ANKRD24: variants seen among roughly 807,000 people sequenced by gnomAD.
The protein encoded by ANKRD24 is ankyrin repeat domain-containing protein 24.
ANKRD24 carries 109 observed loss-of-function variants against 127.8 expected under a neutral mutation model. The ratio of observed to expected loss-of-function variants is 0.85; its 90% CI spans 0.73 to 1.00. The LOEUF (loss-of-function observed/expected upper bound fraction) is 1.00, where lower values mean the gene tolerates loss of function less well. ANKRD24 is among the 50% of genes least tolerant of loss of function. ANKRD24 has a pLI of 0.00. For missense variants in ANKRD24, 1,648 were observed against 1,570.2 expected (o/e 1.05, Z -0.84); for synonymous variants, 743 against 671.1 (o/e 1.11, Z -1.66).
At chr19:4,192,354 T>G (rs990585452) in intron 2 of ANKRD24, among the ~76,000 whole-genome samples, 5 of 151,466 alleles carry the variant, frequency 3.3e-5, no homozygotes, top group Admixed American at 6.6e-5. Flanking sequence ...TTTCTTTTTA[T>G]ATTTTTATTT....
Position 4,198,459 on chromosome 19 carries a change from C to G in ANKRD24, c.37-1224C>G, listed in dbSNP as rs764057979. 25 of 615,446 alleles carry G rather than the reference C, an allele frequency of 4.1e-5. 1 individual carries two copies. The South Asian group carries it at 4.3e-4, about 11-fold the overall frequency. 38.1% of individuals were successfully genotyped at this position (615,446 alleles called of 1,614,324 possible). ...TCTGGCCGCCGCCTCCTCTTGGAACCCCGTGCGCCCCCCGCGCCCCGCGCC... is the reference window on the plus strand; with the variant it reads ...TCTGGCCGCCGCCTCCTCTTGGAACGCCGTGCGCCCCCCGCGCCCCGCGCC... On this transcript the variant is annotated intron_variant, in intron 2 of 21. Transcript: ENST00000318934. The surrounding 1 kb of genome is among the most constrained non-coding windows in gnomAD (Gnocchi z 6.1).
At chr19:4,218,658 TTC>T (rs1282276335) in intron 18 of ANKRD24, among the ~76,000 whole-genome samples, 1 of 150,120 alleles carries the variant, frequency 6.7e-6, no homozygotes, top group African/African-American at 2.4e-5. Flanking sequence ...CACTTGTGTT[TTC>T]TCTCTTTCTT....
At chr19:4,189,573 A>T (rs1255944384) in intron 2 of ANKRD24, among the ~76,000 whole-genome samples, 2 of 149,484 alleles carry the variant, frequency 1.3e-5, no homozygotes, top group Non-Finnish European at 3.0e-5. Context: ...TTTTTAAGAG[A>T]TGGGGTCTCA....
At position 4,216,764 on chromosome 19, in the gene ANKRD24, C is replaced by T. The variant is rs377188730; in HGVS notation, c.1604C>T (p.Thr535Met). 9.4e-5 allele frequency: 150 copies of T among 1,587,848 alleles called. 6 individuals are homozygous for T. The highest frequency in any genetic ancestry group is 5.2e-4 in the African/African-American group (39 of 74,308). ...ACGESEVAGA[T>M]ATKNGPTHME... ...GGGGAGAGTGAGGTTGCTGGAGCCA[C>T]GGCCACCAAAAACGGGCCAACCCAC... Residue 535 changes from threonine to methionine, a missense_variant, in exon 18 of 22, where the codon ACG (threonine) becomes ATG (methionine). By Grantham distance (81) the Thr-to-Met change is moderately conservative (BLOSUM62 -1). Coordinates refer to ENST00000318934, the MANE Select transcript of ANKRD24 (RefSeq NM_001393985.1).
Position 4,216,407 on chromosome 19 carries a change from G to A in ANKRD24, c.1389+5G>A. 1 of 1,562,766 alleles carries A rather than the reference G, an allele frequency of 6.4e-7. No homozygotes were observed. Among genetic ancestry groups the A allele is most frequent in the Non-Finnish European group, 8.7e-7 (1 of 1,153,528 alleles). ...GAACTGATGGAGAAGGTCCAGGTAG[G>A]GAAAGTGAGGCTGGGGACAGATCTG... On this transcript the variant is annotated splice_donor_5th_base_variant and intron_variant, in intron 17 of 21. Transcript: ENST00000318934.
intron 2 of ANKRD24, among the ~76,000 whole-genome samples, chr19:4,196,882 G>A (rs1891063317): frequency 6.6e-6 from 1 of 152,188 alleles, no homozygotes; most frequent in South Asian, 2.1e-4. Context: ...GTGACAGAAA[G>A]GAACCCAAGG....
At chr19:4,209,997 G>T (rs976580809) in intron 11 of ANKRD24, 61 bp from the exon 12 acceptor site, 10 of 1,023,508 alleles carry the variant, frequency 9.8e-6, no homozygotes, top group Admixed American at 2.1e-5. Flanking sequence ...GGTTTACTGT[G>T]GGGGAGGCTG....
chr19:4,218,283 T>A lies in ANKRD24; in HGVS notation c.3003+120T>A, dbSNP rs1970242935. The A allele has an allele frequency of 6.1e-6, 4 of 658,840 alleles. No individual in the cohort carries two copies. In the Admixed American group the frequency reaches 1.3e-4, roughly 22 times the overall value. The allele number at this position is 658,840 out of a possible 1,614,324, so 40.8% of individuals were successfully genotyped here. A position where few individuals can be genotyped will look rare whatever the true frequency, so the allele number is the denominator to read the frequency against. On this transcript the variant is annotated intron_variant, in intron 18 of 21. Transcript: ENST00000318934. ...GTTTTACTTGAACAGACCTACTTTA[T>A]TTTATTTATTTATTTATTTATTTAT...
intron 12 of ANKRD24, 33 bp from the exon 13 acceptor site, chr19:4,210,232 C>T: frequency 6.4e-7 from 1 of 1,563,128 alleles, no homozygotes; most frequent in Non-Finnish European, 8.7e-7. Flanking sequence ...AACCTTAGGC[C>T]CCATCTAAAG....
At chr19:4,202,276 T>C (rs1348082058) in intron 6 of ANKRD24, among the ~76,000 whole-genome samples, 186 bp downstream of exon 6, 1 of 151,960 alleles carries the variant, frequency 6.6e-6, no homozygotes, top group Non-Finnish European at 1.5e-5. Flanking sequence ...CTATTTAAGA[T>C]GTACTCCCAA....
At chr19:4,206,564 C>T (rs1263366632) in intron 7 of ANKRD24, among the ~76,000 whole-genome samples, 1 of 152,036 alleles carries the variant, frequency 6.6e-6, no homozygotes, top group African/African-American at 2.4e-5. Flanking sequence ...GAGGCCGAGG[C>T]AGGAGGATCA....
Position 4,198,254 on chromosome 19 carries a change from C to T in ANKRD24, c.37-1429C>T. 1 of 471,350 alleles carries T rather than the reference C, an allele frequency of 2.1e-6. No homozygotes were observed. The highest frequency in any genetic ancestry group is 3.4e-5 in the South Asian group (1 of 29,088). 29.2% of individuals were successfully genotyped at this position (471,350 alleles called of 1,614,324 possible). ...GGGCGGCGCCCCTTCCCTCAGCCCCCAGCCCCCAGCCCCCTACCTGGGTCT... is the reference window on the plus strand; with the variant it reads ...GGGCGGCGCCCCTTCCCTCAGCCCCTAGCCCCCAGCCCCCTACCTGGGTCT... On this transcript the variant is annotated intron_variant, in intron 2 of 21. Transcript: ENST00000318934. This position sits in a 1 kb window ranked among gnomAD's most constrained non-coding sequence, Gnocchi z 6.1.
chr19:4,190,229 A>G (rs989812749), intron 2 of ANKRD24, among the ~76,000 whole-genome samples: 4 of 151,678 alleles, frequency 2.6e-5, no homozygotes, highest in Non-Finnish European at 4.4e-5. Context: ...AGGTCAGGAG[A>G]TCGAGGCCAT....
intron 2 of ANKRD24, among the ~76,000 whole-genome samples, chr19:4,188,563 G>A (rs574782625): frequency 2.6e-5 from 4 of 151,306 alleles, no homozygotes; most frequent in African/African-American, 9.7e-5. Context: ...TTTATTTTTT[G>A]TACAGATGGG....
chr19:4,212,157 ACCACTGCACT>A (rs1969776993), intron 13 of ANKRD24, among the ~76,000 whole-genome samples: 1 of 152,108 alleles, frequency 6.6e-6, no homozygotes. Context: ...CCGAGATCAC[ACCACTGCACT>A]CCAGCCTGGG....
At chr19:4,193,566 G>A (rs1487262303) in intron 2 of ANKRD24, among the ~76,000 whole-genome samples, 1 of 150,740 alleles carries the variant, frequency 6.6e-6, no homozygotes, top group East Asian at 2.0e-4. Context: ...TGGCAGGCGC[G>A]GTGGCTCATG....
Position 4,199,856 on chromosome 19 carries a change from T to C in ANKRD24, c.124-19T>C, listed in dbSNP as rs2145281444. Reference sequence around the variant, plus strand: ...CAGCAGCCAACACTGCCCCACGCACTTCTGGGCGTGCCCTGCAGAGTCAAG... The same window carrying C: ...CAGCAGCCAACACTGCCCCACGCACCTCTGGGCGTGCCCTGCAGAGTCAAG... On this transcript the variant is annotated intron_variant, in intron 3 of 21. Transcript: ENST00000318934. The surrounding 1 kb of genome is among the most constrained non-coding windows in gnomAD (Gnocchi z 5.2). The C allele has an allele frequency of 6.4e-7, 1 of 1,559,840 alleles. No homozygotes were observed. Among genetic ancestry groups the C allele is most frequent in the Non-Finnish European group, 8.7e-7 (1 of 1,152,502 alleles).
chr19:4,203,269 G>A (rs554619348), intron 7 of ANKRD24, among the ~76,000 whole-genome samples: 3 of 152,206 alleles, frequency 2.0e-5, no homozygotes, highest in East Asian at 1.9e-4. Flanking sequence ...GGATGGTCTC[G>A]AACTCCTGAC....
Position 4,202,858 on chromosome 19 carries a change from C to T in ANKRD24, c.409-11C>T, listed in dbSNP as rs772338854. Reference sequence around the variant, plus strand: ...GATGGCTCCGCCTCAAAGGACTCGCCCCATCCCCAGGCTTCCTGCGTGGTG... The same window carrying T: ...GATGGCTCCGCCTCAAAGGACTCGCTCCATCCCCAGGCTTCCTGCGTGGTG... On this transcript the variant is annotated splice_polypyrimidine_tract_variant and intron_variant, in intron 6 of 21. Transcript: ENST00000318934. The T allele has an allele frequency of 1.3e-5, 20 of 1,584,372 alleles. 1 individual carries two copies. Among genetic ancestry groups the T allele is most frequent in the South Asian group, 9.3e-5 (8 of 86,166 alleles).
Sources: allele counts gnomAD v4.1 joint callset (sites outside exome capture counted in the v4.1 genomes callset), GRCh38; gene constraint gnomAD v4.1.1; non-coding constraint Gnocchi (gnomAD v3.1); transcripts MANE v1.5; gene names NCBI Gene and HGNC (gene_info 2026-07-23, HGNC 2026-07-21).